The following OR2T33 variants were observed in gnomAD, a reference collection of about 807,000 sequenced individuals.
The protein encoded by OR2T33 is olfactory receptor family 2 subfamily T member 33.
Under a neutral mutation model 14.0 loss-of-function variants are expected in OR2T33, and 10 were observed. The ratio of observed to expected loss-of-function variants is 0.72; its 90% CI spans 0.44 to 1.22. The LOEUF is 1.22. Among genes scored for constraint, OR2T33 ranks in the 50% most tolerant of loss-of-function variants. The probability of loss-of-function intolerance (pLI) is 0.00; values close to 1 mark genes in which losing one functional copy is unlikely to be tolerated. For missense variants in OR2T33, 276 were observed against 405.9 expected (o/e 0.68, Z 2.75); for synonymous variants, 103 against 159.4 (o/e 0.65, Z 2.66).
rs1400859036 is a variant in OR2T33, at chr1:248,270,313, A to G, written c.*2539T>C. ...AGGGATAGCACTAGGAGATATACCT[A>G]ATGTAAATGATGAGTTAATGAGTGC... On this transcript the variant is annotated 3_prime_UTR_variant, in exon 2 of 2. Transcript: ENST00000641220. 5.9e-5 allele frequency: 9 copies of G among 152,204 alleles called. No individual in the cohort carries two copies. The highest frequency in any genetic ancestry group is 2.2e-4 in the African/African-American group (9 of 41,454). The allele number at this position is 152,204 out of a possible 1,614,324, so 9.4% of individuals were successfully genotyped here.
In OR2T33 at chr1:248,271,731, T is replaced by A. The variant is rs1023489399; in HGVS notation, c.*1121A>T. 2.6e-5 allele frequency: 4 copies of A among 152,190 alleles called. No homozygotes were observed. Among genetic ancestry groups the A allele is most frequent in the African/African-American group, 9.6e-5 (4 of 41,456 alleles). 9.4% of individuals were successfully genotyped at this position (152,190 alleles called of 1,614,324 possible). On this transcript the variant is annotated 3_prime_UTR_variant, in exon 2 of 2. Coordinates refer to ENST00000641220, the MANE Select transcript of OR2T33 (RefSeq NM_001004695.2). ...GGAAGCTCTTAGTTATGTCCCACTG[T>A]GTGTTTAAAACTTATATTATTTCTT... is the stretch of plus-strand genomic sequence containing the variant.
intron 1 of OR2T33, 85 bp downstream of exon 1, chr1:248,277,680 A>G (rs948946601): frequency 7.2e-5 from 11 of 152,164 alleles, no homozygotes; most frequent in Non-Finnish European, 1.3e-4. Flanking sequence ...TCATATGTAG[A>G]ATGCCAAATA....
At position 248,273,592 on chromosome 1, in the gene OR2T33, T is replaced by C; in HGVS notation, c.223A>G (p.Thr75Ala). ...SLMDMMLVST[T>A]VPKMAADYLT... Reference sequence around the variant, plus strand: ...TAGTCAGCCGCCATTTTGGGCACAGTGGTGGAAACCAGCATCATGTCCATG... The same window carrying C: ...TAGTCAGCCGCCATTTTGGGCACAGCGGTGGAAACCAGCATCATGTCCATG... The change falls in exon 2 of 2, where the codon ACT (threonine) becomes GCT (alanine). Residue 75 changes from threonine to alanine, a missense_variant. Coordinates refer to ENST00000641220, the MANE Select transcript of OR2T33 (RefSeq NM_001004695.2). 6.2e-7 allele frequency: 1 copy of C among 1,613,438 alleles called. No individual in the cohort carries two copies. The highest frequency in any genetic ancestry group is 8.5e-7 in the Non-Finnish European group (1 of 1,179,846).
At chr1:248,276,083 A>G (rs1168774803) in intron 1 of OR2T33, among the ~76,000 whole-genome samples, 11 of 152,162 alleles carry the variant, frequency 7.2e-5, no homozygotes, top group Non-Finnish European at 1.6e-4. Context: ...ACCTCGGATC[A>G]TCAGGCATTA....
At chr1:248,277,675 T>C (rs1180542536) in intron 1 of OR2T33, 90 bp downstream of exon 1, 3 of 152,126 alleles carry the variant, frequency 2.0e-5, no homozygotes, top group African/African-American at 7.2e-5. Flanking sequence ...AAAATTCATA[T>C]GTAGAATGCC....
chr1:248,277,777 G>A lies in OR2T33; in HGVS notation c.-21C>T, dbSNP rs1659463741. 3 of 152,238 alleles carry A rather than the reference G, an allele frequency of 2.0e-5. No individual in the cohort carries two copies. The South Asian group carries it at 6.2e-4, about 32-fold the overall frequency. 9.4% of individuals were successfully genotyped at this position (152,238 alleles called of 1,614,324 possible). A position where few individuals can be genotyped will look rare whatever the true frequency, so the allele number is the denominator to read the frequency against. Reference sequence around the variant, plus strand: ...AAATTAGACTCACCTTTGTAGTGGAGAATCACAGCCAGTGTGACATATATA... The same window carrying A: ...AAATTAGACTCACCTTTGTAGTGGAAAATCACAGCCAGTGTGACATATATA... On this transcript the variant is annotated 5_prime_UTR_variant, in exon 1 of 2. Coordinates refer to ENST00000641220, the MANE Select transcript of OR2T33 (RefSeq NM_001004695.2).
At position 248,272,877 on chromosome 1, in the gene OR2T33, T is replaced by C. The variant is rs1324895314; in HGVS notation, c.938A>G (p.Gln313Arg). 3.1e-6 allele frequency: 5 copies of C among 1,613,224 alleles called. No individual in the cohort carries two copies. In the Admixed American group the frequency reaches 5.0e-5, roughly 16 times the overall value. ...LGTCVNIKHQ[Q>R]NEAHRSR is the part of the protein sequence containing the mutation. ...TCATCTTGACCTGTGGGCCTCATTT[T>C]GCTGGTGTTTTATGTTTACACACGT... is the stretch of plus-strand genomic sequence containing the variant. Residue 313 changes from glutamine (Q) to arginine (R), a missense_variant, in exon 2 of 2, where the codon CAA becomes CGA. Coordinates refer to ENST00000641220, the MANE Select transcript of OR2T33 (RefSeq NM_001004695.2).
At position 248,272,526 on chromosome 1, in the gene OR2T33, T is replaced by A; in HGVS notation, c.*326A>T. The A allele has an allele frequency of 7.8e-6, 2 of 256,962 alleles. No individual in the cohort carries two copies. Among genetic ancestry groups the A allele is most frequent in the Non-Finnish European group, 7.4e-6 (1 of 135,736 alleles). The allele number at this position is 256,962 out of a possible 1,614,324, so 15.9% of individuals were successfully genotyped here. ...AGCTCTGGAGTCACTTCTTATTATT[T>A]CCGTGCTGTGTGAAATTGGGAACAA... is the stretch of plus-strand genomic sequence containing the variant. On this transcript the variant is annotated 3_prime_UTR_variant, in exon 2 of 2. Coordinates refer to ENST00000641220, the MANE Select transcript of OR2T33 (RefSeq NM_001004695.2).
At position 248,270,804 on chromosome 1, in the gene OR2T33, C is replaced by T. The variant is rs1311269012; in HGVS notation, c.*2048G>A. The T allele has an allele frequency of 6.6e-6, 1 of 152,014 alleles. No homozygotes were observed. Among genetic ancestry groups the T allele is most frequent in the Non-Finnish European group, 1.5e-5 (1 of 67,996 alleles). 9.4% of individuals were successfully genotyped at this position (152,014 alleles called of 1,614,324 possible). On this transcript the variant is annotated 3_prime_UTR_variant, in exon 2 of 2. Transcript: ENST00000641220. ...ATTATATATTGGACTTTACAAAAAT[C>T]AAAATCTCTGCTCTGAAAAATATAC...
intron 1 of OR2T33, among the ~76,000 whole-genome samples, chr1:248,276,004 A>G (rs1251661638): frequency 6.6e-6 from 1 of 152,162 alleles, no homozygotes; most frequent in African/African-American, 2.4e-5. Context: ...TTTTTAAATC[A>G]GCGGTCCCCA....
rs1447698463 is a variant in OR2T33, at chr1:248,277,107, T to C, written c.-9+658A>G. 4.0e-5 allele frequency among the ~76,000 whole-genome samples: 6 copies of C among 149,142 alleles called. No individual in the cohort carries two copies. In the East Asian group the frequency reaches 1.2e-3, roughly 29 times the overall value. ...ATATTTTTATATTTTATGTATAAAA[T>C]ATATATTTATATATTTTTCTACATA... On this transcript the variant is annotated intron_variant, in intron 1 of 1. Transcript: ENST00000641220.
chr1:248,276,048 G>C (rs1166954212), intron 1 of OR2T33, among the ~76,000 whole-genome samples: 3 of 152,166 alleles, frequency 2.0e-5, no homozygotes, highest in African/African-American at 7.2e-5. Flanking sequence ...TAGGAGAGGG[G>C]ATGGTTTCGG....
In OR2T33 at chr1:248,272,503, C is replaced by A; in HGVS notation, c.*349G>T. On this transcript the variant is annotated 3_prime_UTR_variant, in exon 2 of 2. Coordinates refer to ENST00000641220, the MANE Select transcript of OR2T33 (RefSeq NM_001004695.2). ...AAACTATTCCAGGTTAAGGAACAAG[C>A]TCTGGAGTCACTTCTTATTATTTCC... The A allele has an allele frequency of 4.5e-6, 1 of 223,922 alleles. No individual in the cohort carries two copies. The highest frequency in any genetic ancestry group is 8.5e-5 in the South Asian group (1 of 11,774). The allele number at this position is 223,922 out of a possible 1,614,324, so 13.9% of individuals were successfully genotyped here.
intron 1 of OR2T33, among the ~76,000 whole-genome samples, chr1:248,276,118 T>C (rs1310860379): frequency 2.0e-5 from 3 of 152,154 alleles, no homozygotes; most frequent in Admixed American, 6.5e-5. Context: ...GCATGTGATA[T>C]AGATCCCTCA....
rs932549259 is a variant in OR2T33 at position 248,270,229 on chromosome 1, T to G, written c.*2623A>C. 2 of 151,616 alleles carry G rather than the reference T, an allele frequency of 1.3e-5. No homozygotes were observed. Among genetic ancestry groups the G allele is most frequent in the African/African-American group, 4.9e-5 (2 of 41,206 alleles). 9.4% of individuals were successfully genotyped at this position (151,616 alleles called of 1,614,324 possible). On this transcript the variant is annotated 3_prime_UTR_variant, in exon 2 of 2. Transcript: ENST00000641220. Reference sequence around the variant, plus strand: ...GTGGGAATTGAACAATGAGAACACTTGGACACAGAAAGGGGAACATCACAC... The same window carrying G: ...GTGGGAATTGAACAATGAGAACACTGGGACACAGAAAGGGGAACATCACAC...
chr1:248,271,301 T>G lies in OR2T33; in HGVS notation c.*1551A>C, dbSNP rs1360471789. ...AGTAATGAAATTTCCATGACTACAT[T>G]TACTTGTGTAAATTTCACCCATTCT... On this transcript the variant is annotated 3_prime_UTR_variant, in exon 2 of 2. Transcript: ENST00000641220. The G allele has an allele frequency of 6.6e-6, 1 of 152,186 alleles. No individual in the cohort carries two copies. Among genetic ancestry groups the G allele is most frequent in the African/African-American group, 2.4e-5 (1 of 41,448 alleles). The allele number at this position is 152,186 out of a possible 1,614,324, so 9.4% of individuals were successfully genotyped here.
At chr1:248,277,531 C>G (rs1329001929) in intron 1 of OR2T33, among the ~76,000 whole-genome samples, 1 of 152,166 alleles carries the variant, frequency 6.6e-6, no homozygotes, top group East Asian at 1.9e-4. Context: ...CAACTTTATT[C>G]AAGAATTTTT....
In OR2T33 at chr1:248,273,547, T is replaced by A; in HGVS notation, c.268A>T (p.Ile90Phe). Residue 90 changes from isoleucine (I) to phenylalanine (F), a missense_variant, in exon 2 of 2, where the codon ATC (isoleucine) becomes TTC (phenylalanine). Coordinates refer to ENST00000641220, the MANE Select transcript of OR2T33 (RefSeq NM_001004695.2). Reference protein sequence around the residue: ...AADYLTGSKAISRAGCGVQIF... With the variant: ...AADYLTGSKAFSRAGCGVQIF... ...TGCACACCACAGCCAGCGCGGGAGA[T>A]GGCCTTACTTCCGGTCAAGTAGTCA... 2 of 1,612,992 alleles carry A rather than the reference T, an allele frequency of 1.2e-6. No individual in the cohort carries two copies. The highest frequency in any genetic ancestry group is 1.7e-6 in the Non-Finnish European group (2 of 1,179,844).
rs1007310072 is a variant in OR2T33 at position 248,272,715 on chromosome 1, G to A, written c.*137C>T. 1.8e-6 allele frequency: 2 copies of A among 1,141,956 alleles called. No homozygotes were observed. Among genetic ancestry groups the A allele is most frequent in the African/African-American group, 1.6e-5 (1 of 63,686 alleles). The allele number at this position is 1,141,956 out of a possible 1,614,324, so 70.7% of individuals were successfully genotyped here. A position where few individuals can be genotyped will look rare whatever the true frequency, so the allele number is the denominator to read the frequency against. On this transcript the variant is annotated 3_prime_UTR_variant, in exon 2 of 2. Transcript: ENST00000641220. ...AAAATGGTATCTCTCAATACAATTA[G>A]CTCACTTAATTCTTAAAAATATCCT...
Sources: allele counts gnomAD v4.1 joint callset (sites outside exome capture counted in the v4.1 genomes callset), GRCh38; gene constraint gnomAD v4.1.1; transcripts MANE v1.5; gene names NCBI Gene and HGNC (gene_info 2026-07-23, HGNC 2026-07-21).